The following CX3CR1 variants were observed in gnomAD, a reference collection of about 807,000 sequenced individuals.
CX3CR1 encodes CX3C chemokine receptor 1.
For missense variants in CX3CR1, 363 were observed against 432.4 expected, an observed-to-expected ratio of 0.84 and a Z score of 1.42; for synonymous variants, 168 against 178.5, an observed-to-expected ratio of 0.94 and a Z score of 0.47.
chr3:39,289,073 G>T, the CX3CR1 span, among the ~76,000 whole-genome samples: 1 of 151,932 alleles, frequency 6.6e-6, no homozygotes, highest in East Asian at 1.9e-4. Flanking sequence ...AGAATCACTT[G>T]AACCCGGGAG....
Position 39,264,639 on chromosome 3 carries a change from G to T in CX3CR1, c.*803C>A, listed in dbSNP as rs967597240. ...AAGCCAAGCATTTGAGTTTTGACTC[G>T]ATGCAGTAGGCAGTGGGGAGCCCTT... On this transcript the variant is annotated 3_prime_UTR_variant, in exon 2 of 2. Coordinates refer to ENST00000399220, the MANE Select transcript of CX3CR1 (RefSeq NM_001337.4). 1 of 152,318 alleles carries T rather than the reference G, an allele frequency of 6.6e-6. No homozygotes were observed. Among genetic ancestry groups the T allele is most frequent in the South Asian group, 2.1e-4 (1 of 4,828 alleles). 9.4% of individuals were successfully genotyped at this position (152,318 alleles called of 1,614,324 possible). A position where few individuals can be genotyped will look rare whatever the true frequency, so the allele number is the denominator to read the frequency against.
chr3:39,275,524 A>G (rs1373998428), intron 1 of CX3CR1, among the ~76,000 whole-genome samples: 1 of 152,234 alleles, frequency 6.6e-6, no homozygotes, highest in Non-Finnish European at 1.5e-5. Context: ...TACTTGAGGA[A>G]CAGTTATTGT....
chr3:39,275,037 T>A (rs1377528497), intron 1 of CX3CR1, among the ~76,000 whole-genome samples: 1 of 152,128 alleles, frequency 6.6e-6, no homozygotes, highest in Non-Finnish European at 1.5e-5. Context: ...AATTTTTGTA[T>A]TTTTAGTAGA....
upstream of CX3CR1, chr3:39,286,568 G>T (rs1010232212): frequency 6.7e-6 from 1 of 149,340 alleles, no homozygotes; most frequent in Non-Finnish European, 1.5e-5. Flanking sequence ...GGAGAATGGC[G>T]TGAACCCGGG....
chr3:39,266,441 A>G lies in CX3CR1; in HGVS notation c.69T>C (p.Ile23=). 1 of 1,614,226 alleles carries G rather than the reference A, an allele frequency of 6.2e-7. No individual in the cohort carries two copies. The highest frequency in any genetic ancestry group is 8.5e-7 in the Non-Finnish European group (1 of 1,180,040). The change falls in exon 2 of 2, where the codon ATT becomes ATC. Residue 23 remains isoleucine (I), a synonymous_variant. Coordinates refer to ENST00000399220, the MANE Select transcript of CX3CR1 (RefSeq NM_001337.4). ...CAGTCCCAAAGACCACGATGTCCCC[A>G]ATATAACAGGCCTCAGCCAAATCAT... ...EYDDLAEACY[I]GDIVVFGTVF...
intron 1 of CX3CR1, among the ~76,000 whole-genome samples, chr3:39,274,650 T>C (rs900698972): frequency 1.3e-5 from 2 of 152,190 alleles, no homozygotes; most frequent in Non-Finnish European, 2.9e-5. Context: ...CTGTGAAATT[T>C]TGAAGGGAAA....
intron 1 of CX3CR1, among the ~76,000 whole-genome samples, chr3:39,275,505 A>G (rs1423364332): frequency 6.6e-6 from 1 of 152,238 alleles, no homozygotes; most frequent in African/African-American, 2.4e-5. Context: ...CGGTGCTGGC[A>G]AGACCTCTTA....
At chr3:39,268,254 C>T (rs1331107878) in intron 1 of CX3CR1, among the ~76,000 whole-genome samples, 1 of 152,226 alleles carries the variant, frequency 6.6e-6, no homozygotes, top group East Asian at 1.9e-4. Flanking sequence ...GAGTTCTCAA[C>T]CCCAGGGAAC....
upstream of CX3CR1, among the ~76,000 whole-genome samples, chr3:39,282,907 T>C (rs2040916504): frequency 6.6e-6 from 1 of 152,190 alleles, no homozygotes; most frequent in Non-Finnish European, 1.5e-5. Flanking sequence ...TTTTTGTTTC[T>C]TTCAGACAGG....
At chr3:39,278,828 C>T (rs902117778) in intron 1 of CX3CR1, among the ~76,000 whole-genome samples, 9 of 152,020 alleles carry the variant, frequency 5.9e-5, no homozygotes, top group African/African-American at 2.2e-4. Flanking sequence ...CAGCTGGGGC[C>T]TCTGATGGAT....
chr3:39,265,649 GC>G lies in CX3CR1; in HGVS notation c.860del (p.Cys287SerfsTer2). On this transcript the variant is annotated frameshift_variant, in exon 2 of 2. Coordinates refer to ENST00000399220, the MANE Select transcript of CX3CR1 (RefSeq NM_001337.4). LOFTEE classifies it low-confidence loss of function (END_TRUNC). ...CAAATGCATAGATGAGAGGATTCAG[GC>G]AACAATGGCTAAATGCAACCGTCTC... is the stretch of plus-strand genomic sequence containing the variant. ...VTETVAFSHCCLNPLIYAFAG... is the reference protein window; with the variant it reads ...VTETVAFSHCXLNPLIYAFAG... The G allele has an allele frequency of 2.5e-6, 4 of 1,614,166 alleles. No individual in the cohort carries two copies. The highest frequency in any genetic ancestry group is 3.4e-6 in the Non-Finnish European group (4 of 1,180,026).
chr3:39,274,163 T>C (rs2040811556), intron 1 of CX3CR1, among the ~76,000 whole-genome samples: 1 of 152,144 alleles, frequency 6.6e-6, no homozygotes, highest in Admixed American at 6.5e-5. Context: ...CTCAGTCGGC[T>C]GCCATGCCCA....
chr3:39,277,788 C>CT (rs2040856835), intron 1 of CX3CR1, among the ~76,000 whole-genome samples: 1 of 152,188 alleles, frequency 6.6e-6, no homozygotes, highest in Non-Finnish European at 1.5e-5. Context: ...TCTTTGCTTT[C>CT]CTGCCCCTAC....
upstream of CX3CR1, among the ~76,000 whole-genome samples, chr3:39,282,268 T>C (rs2040909825): frequency 6.6e-6 from 1 of 152,152 alleles, no homozygotes; most frequent in Admixed American, 6.6e-5. Flanking sequence ...AAGGAGTCTC[T>C]GGCTCAGCGC....
chr3:39,280,134 C>G (rs2040879297), upstream of CX3CR1: 1 of 970,784 alleles, frequency 1.0e-6, no homozygotes, highest in African/African-American at 1.8e-5. Flanking sequence ...CACAGGCAAG[C>G]TCAGATACTC....
At chr3:39,266,802 A>T (rs4271863) in intron 1 of CX3CR1, 212,748 of 508,328 alleles carry the variant, frequency 0.42, 24,553 homozygotes, top group East Asian at 0.57. Context: ...TTTTTTTTTT[A>T]AATGGAGTCT....
Position 39,266,134 on chromosome 3 carries a change from C to A in CX3CR1, c.376G>T (p.Asp126Tyr). The A allele has an allele frequency of 6.2e-7, 1 of 1,614,152 alleles. No individual in the cohort carries two copies. The highest frequency in any genetic ancestry group is 8.5e-7 in the Non-Finnish European group (1 of 1,180,036). ...GCCAGGACGATGGCCAGGTACCTATCAATGCTGATGACGGTGATGAAGAAT... is the reference window on the plus strand; with the variant it reads ...GCCAGGACGATGGCCAGGTACCTATAAATGCTGATGACGGTGATGAAGAAT... ...SIFFITVISI[D>Y]RYLAIVLAAN... Residue 126 changes from aspartate to tyrosine, a missense_variant, in exon 2 of 2, where the codon GAT becomes TAT. By Grantham distance (160) the Asp-to-Tyr change is radical (BLOSUM62 -3). Coordinates refer to ENST00000399220, the MANE Select transcript of CX3CR1 (RefSeq NM_001337.4).
chr3:39,289,301 C>G, the CX3CR1 span, among the ~76,000 whole-genome samples: 1 of 152,126 alleles, frequency 6.6e-6, no homozygotes, highest in Admixed American at 6.5e-5. Flanking sequence ...GGAGCAATCT[C>G]TTCCTAAGAG....
chr3:39,283,140 C>T (rs192398543), upstream of CX3CR1, among the ~76,000 whole-genome samples: 19 of 152,274 alleles, frequency 1.2e-4, no homozygotes, highest in African/African-American at 2.9e-4. Context: ...ATCCTTCTGC[C>T]GCAGCCTCCC....
Sources: gnomAD v4.1 joint callset for allele counts (sites outside exome capture counted in the v4.1 genomes callset) on GRCh38, gnomAD v4.1.1 for gene constraint, MANE v1.5 for transcripts, NCBI Gene and HGNC (gene_info 2026-07-23, HGNC 2026-07-21) for gene names.